Variants in PNPLA7 observed in about 807,000 individuals in gnomAD.
PNPLA7 encodes patatin-like phospholipase domain-containing protein 7.
PNPLA7 carries 153 observed loss-of-function variants against 161.7 expected under a neutral mutation model. The ratio of observed to expected loss-of-function variants is 0.95; its 90% CI spans 0.83 to 1.08. The LOEUF (loss-of-function observed/expected upper bound fraction) is 1.08, where lower values mean the gene tolerates loss of function less well. PNPLA7 is among the 50% of genes least tolerant of loss of function. PNPLA7 has a pLI of 0.00. For missense variants in PNPLA7, 1,739 were observed against 1,856.6 expected, an observed-to-expected ratio of 0.94 and a Z score of 1.16; for synonymous variants, 809 against 782.1, an observed-to-expected ratio of 1.03 and a Z score of -0.57.
Position 137,500,383 on chromosome 9 carries a change from C to T in PNPLA7, c.1757+308G>A, listed in dbSNP as rs1833323681. 6.6e-6 allele frequency among the ~76,000 whole-genome samples: 1 copy of T among 152,228 alleles called. No individual in the cohort carries two copies. Among genetic ancestry groups the T allele is most frequent in the African/African-American group, 2.4e-5 (1 of 41,458 alleles). On this transcript the variant is annotated intron_variant, in intron 16 of 34. Transcript: ENST00000406427. The surrounding 1 kb of genome is among the most constrained non-coding windows in gnomAD (Gnocchi z 5.5). ...CTTGCTGAGCCAAGCTGGGGAGCCC[C>T]AGAACTGACCAGTGATAAATGGACA...
chr9:137,471,669 A>G (rs1338667045), intron 25 of PNPLA7, among the ~76,000 whole-genome samples: 1 of 151,944 alleles, frequency 6.6e-6, no homozygotes, highest in Non-Finnish European at 1.5e-5. Flanking sequence ...AATATAGTTA[A>G]CAAAAGATGT....
intron 20 of PNPLA7, among the ~76,000 whole-genome samples, chr9:137,488,790 C>T (rs1353624248): frequency 6.9e-6 from 1 of 145,134 alleles, no homozygotes; most frequent in African/African-American, 2.5e-5. Flanking sequence ...GAAACCTCTT[C>T]ACCAACTGTC....
intron 20 of PNPLA7, among the ~76,000 whole-genome samples, chr9:137,488,123 G>A (rs1371558594): frequency 2.0e-5 from 3 of 152,244 alleles, no homozygotes; most frequent in Non-Finnish European, 4.4e-5. Flanking sequence ...CTGAGCTTCG[G>A]CCTGAACGCT....
At chr9:137,474,517 C>T (rs942914665) in intron 25 of PNPLA7, among the ~76,000 whole-genome samples, 9 of 152,086 alleles carry the variant, frequency 5.9e-5, no homozygotes, top group African/African-American at 1.9e-4. Context: ...CTCAGGAGCG[C>T]GAGGCAGCCC....
Position 137,519,997 on chromosome 9 carries a change from C to T in PNPLA7, c.1004G>A (p.Gly335Glu), listed in dbSNP as rs1834904331. ...ATAGAACACCTGCTTCTTGGCCTTCCCGGCAGCCACACTGGCTACAGACAC... is the reference window on the plus strand; with the variant it reads ...ATAGAACACCTGCTTCTTGGCCTTCTCGGCAGCCACACTGGCTACAGACAC... ...PLVSVASVAA[G>E]KAKKQVFYGE... is the part of the protein sequence containing the mutation. The change falls in exon 11 of 35, where the codon GGG becomes GAG. Residue 335 changes from glycine (G) to glutamate (E), a missense_variant. By Grantham distance (98) the Gly-to-Glu change is moderately conservative. Transcript: ENST00000406427. 2 of 1,612,636 alleles carry T rather than the reference C, an allele frequency of 1.2e-6. No homozygotes were observed. Among genetic ancestry groups the T allele is most frequent in the Admixed American group, 1.7e-5 (1 of 59,990 alleles).
Position 137,490,041 on chromosome 9 carries a change from G to A in PNPLA7, c.2197+2972C>T, listed in dbSNP as rs58481730. Reference sequence around the variant, plus strand: ...AACAGGACAGATCCAAAGTATTCATGCTCAGACACTTCCAAATCACATTTC... The same window carrying A: ...AACAGGACAGATCCAAAGTATTCATACTCAGACACTTCCAAATCACATTTC... On this transcript the variant is annotated intron_variant, in intron 20 of 34. Coordinates refer to ENST00000406427, the MANE Select transcript of PNPLA7 (RefSeq NM_001098537.3). The surrounding 1 kb of genome is among the most constrained non-coding windows in gnomAD (Gnocchi z 4.1). Among the ~76,000 whole-genome samples the A allele has an allele frequency of 1.1e-3, 173 of 152,334 alleles. 1 individual carries two copies. The highest frequency in any genetic ancestry group is 4.1e-3 in the African/African-American group (169 of 41,572).
rs1833247080 is a variant in PNPLA7 at position 137,499,281 on chromosome 9, GAGAC to G, written c.1758-1040_1758-1037del. ...ACACACATGGACACATGTAGACACA[GAGAC>G]AGACACACGGACACATGCAGACACA... On this transcript the variant is annotated intron_variant, in intron 16 of 34. Transcript: ENST00000406427. This position sits in a 1 kb window ranked among gnomAD's most constrained non-coding sequence, Gnocchi z 5.5. 1.3e-5 allele frequency among the ~76,000 whole-genome samples: 2 copies of G among 151,330 alleles called. No individual in the cohort carries two copies. Among genetic ancestry groups the G allele is most frequent in the East Asian group, 1.9e-4 (1 of 5,158 alleles).
intron 14 of PNPLA7, among the ~76,000 whole-genome samples, chr9:137,503,928 G>GGAA (rs1243979368): frequency 6.2e-4 from 15 of 24,134 alleles, no homozygotes; most frequent in African/African-American, 2.1e-3. Flanking sequence ...GGAAGAAGAA[G>GGAA]GAAGAAGAAG....
Position 137,484,593 on chromosome 9 carries a change from C to A in PNPLA7, c.2341G>T (p.Ala781Ser). ...CTGGGAGGCTCAGGCTTACCGATGG[C>A]GCTGAGGGCATGCTCCAGCTCCAGG... is the stretch of plus-strand genomic sequence containing the variant. ...FALELEHALSAIGPTLLLTSD... is the reference protein window; with the variant it reads ...FALELEHALSSIGPTLLLTSD... The change falls in exon 21 of 35, where the codon GCC becomes TCC. Residue 781 changes from alanine (A) to serine (S), a missense_variant. By Grantham distance (99) the Ala-to-Ser change is moderately conservative. Around this residue, in one of 6 missense-constraint regions of PNPLA7, gnomAD observed 192 missense variants for 249.5 expected, o/e 0.77. Transcript: ENST00000406427. 1.2e-6 allele frequency: 2 copies of A among 1,606,270 alleles called. No individual in the cohort carries two copies. Among genetic ancestry groups the A allele is most frequent in the East Asian group, 2.2e-5 (1 of 44,716 alleles).
chr9:137,461,890 C>T (rs373722532), intron 32 of PNPLA7, 41 bp downstream of exon 32: 15 of 1,456,034 alleles, frequency 1.0e-5, no homozygotes, highest in Non-Finnish European at 1.3e-5. Context: ...GAACTGGGCG[C>T]GGTCCGGGGA....
chr9:137,480,074 G>A (rs971062582), intron 23 of PNPLA7, among the ~76,000 whole-genome samples: 39 of 152,360 alleles, frequency 2.6e-4, no homozygotes, highest in African/African-American at 8.9e-4. Context: ...TGCGAAAGGC[G>A]GCCGGAGGCT....
intron 8 of PNPLA7, among the ~76,000 whole-genome samples, chr9:137,535,839 A>C (rs1292572473): frequency 6.6e-6 from 1 of 151,778 alleles, no homozygotes; most frequent in African/African-American, 2.4e-5. Context: ...TTGGAAAATA[A>C]AGTTGAAAAA....
At chr9:137,502,456 C>G (rs916611794) in intron 14 of PNPLA7, among the ~76,000 whole-genome samples, 1 of 150,076 alleles carries the variant, frequency 6.7e-6, no homozygotes, top group African/African-American at 2.5e-5. Context: ...CATCACATGT[C>G]GCCAAAAGTT....
intron 25 of PNPLA7, among the ~76,000 whole-genome samples, chr9:137,469,420 C>G (rs1292865323): frequency 6.6e-6 from 1 of 152,170 alleles, no homozygotes; most frequent in Non-Finnish European, 1.5e-5. Context: ...GTTCTACAGA[C>G]AGACATCAGG....
intron 26 of PNPLA7, among the ~76,000 whole-genome samples, chr9:137,466,499 C>G (rs911247060): frequency 6.6e-6 from 1 of 150,980 alleles, no homozygotes; most frequent in African/African-American, 2.4e-5. Context: ...CCACCTCGAC[C>G]ATCTAAGACC....
chr9:137,519,827 G>T, intron 11 of PNPLA7, 90 bp downstream of exon 11: 2 of 1,511,338 alleles, frequency 1.3e-6, no homozygotes, highest in South Asian at 1.3e-5. Flanking sequence ...TCAGGCATGT[G>T]CAAGATGACC....
In PNPLA7 at chr9:137,468,384, A is replaced by C. The variant is rs1341006842; in HGVS notation, c.2883-911T>G. Among the ~76,000 whole-genome samples, 2 of 152,248 alleles carry C rather than the reference A, an allele frequency of 1.3e-5. No homozygotes were observed. The highest frequency in any genetic ancestry group is 4.8e-5 in the African/African-American group (2 of 41,466). On this transcript the variant is annotated intron_variant, in intron 25 of 34. Transcript: ENST00000406427. This position sits in a 1 kb window ranked among gnomAD's most constrained non-coding sequence, Gnocchi z 4.0. ...TGAAAGTGGGCCCAGAGTGCCTCCC[A>C]GGTAAGAGATACAGACACAGGCTTT...
chr9:137,462,844 GCCAGCC>G lies in PNPLA7; in HGVS notation c.3344-17_3344-12del. The G allele has an allele frequency of 6.2e-7, 1 of 1,613,354 alleles. No individual in the cohort carries two copies. Among genetic ancestry groups the G allele is most frequent in the East Asian group, 2.2e-5 (1 of 44,878 alleles). On this transcript the variant is annotated splice_polypyrimidine_tract_variant and intron_variant, in intron 29 of 34. Coordinates refer to ENST00000406427, the MANE Select transcript of PNPLA7 (RefSeq NM_001098537.3). ...ACCGGGCCACATCCGCTAGGGAGAAGCCAGCCCTGGTTACCCCCTGGACAGGCATGC... is the reference window on the plus strand; with the variant it reads ...ACCGGGCCACATCCGCTAGGGAGAAGCTGGTTACCCCCTGGACAGGCATGC...
In PNPLA7 at chr9:137,520,164, C is replaced by T; in HGVS notation, c.958-121G>A. The T allele has an allele frequency of 1.4e-6, 2 of 1,417,136 alleles. No homozygotes were observed. Among genetic ancestry groups the T allele is most frequent in the Non-Finnish European group, 1.9e-6 (2 of 1,047,100 alleles). The allele number at this position is 1,417,136 out of a possible 1,614,324, so 87.8% of individuals were successfully genotyped here. A position where few individuals can be genotyped will look rare whatever the true frequency, so the allele number is the denominator to read the frequency against. On this transcript the variant is annotated intron_variant, in intron 10 of 34. Coordinates refer to ENST00000406427, the MANE Select transcript of PNPLA7 (RefSeq NM_001098537.3). This position sits in a 1 kb window ranked among gnomAD's most constrained non-coding sequence, Gnocchi z 5.2. ...TCAAAGGTGTGACAGGTGTGGGCCC[C>T]TCAAAGGTGTGACAGGTGTGGGACT...
Sources: allele counts gnomAD v4.1 joint callset (sites outside exome capture counted in the v4.1 genomes callset), GRCh38; gene constraint gnomAD v4.1.1; regional missense constraint gnomAD v4.1.1; non-coding constraint Gnocchi (gnomAD v3.1); transcripts MANE v1.5; gene names NCBI Gene and HGNC (gene_info 2026-07-23, HGNC 2026-07-21).